The following PDSS2 variants were observed in gnomAD, a reference collection of about 807,000 sequenced individuals.
The protein encoded by PDSS2 is decaprenyl diphosphate synthase subunit 2, also known as all trans-polyprenyl-diphosphate synthase PDSS2.
A neutral mutation model predicts 44.5 loss-of-function variants in PDSS2; 31 were observed. The observed-to-expected ratio is 0.70, with a 90% CI of 0.52 to 0.94. The LOEUF is 0.94. Among genes scored for constraint, PDSS2 ranks in the 40% least tolerant of loss-of-function variants. The pLI is 0.00. For missense variants in PDSS2, 452 were observed against 482.2 expected (o/e 0.94, Z 0.59); for synonymous variants, 157 against 180.3 (o/e 0.87, Z 1.03).
intron 4 of PDSS2, among the ~76,000 whole-genome samples, chr6:107,228,846 G>A (rs1338451356): frequency 6.6e-6 from 1 of 152,134 alleles, no homozygotes; most frequent in Non-Finnish European, 1.5e-5. Context: ...AAAAAAGGAT[G>A]CCAGTAAAAT....
chr6:107,319,174 C>T (rs1582936489), intron 2 of PDSS2, among the ~76,000 whole-genome samples: 1 of 152,068 alleles, frequency 6.6e-6, no homozygotes, highest in Admixed American at 6.5e-5. Context: ...AAAAATTAAA[C>T]ATGTTTTTTG....
intron 1 of PDSS2, among the ~76,000 whole-genome samples, chr6:107,455,482 G>A (rs962526340): frequency 2.6e-5 from 4 of 151,882 alleles, no homozygotes; most frequent in Non-Finnish European, 5.9e-5. Flanking sequence ...TGGGCCAGGC[G>A]CAGTGGCTCA....
chr6:107,189,339 T>G (rs1354036163), intron 7 of PDSS2, among the ~76,000 whole-genome samples: 3 of 151,870 alleles, frequency 2.0e-5, no homozygotes, highest in Non-Finnish European at 4.4e-5. Context: ...CATATATTTT[T>G]TTTCTTTTTA....
chr6:107,396,149 C>A (rs191716762), intron 1 of PDSS2, among the ~76,000 whole-genome samples: 321 of 152,272 alleles, frequency 2.1e-3, no homozygotes, highest in Admixed American at 3.9e-3. Flanking sequence ...GTTGTTTTTG[C>A]ACACTCCATG....
Position 107,164,384 on chromosome 6 carries a change from T to C in PDSS2, c.1042-9607A>G, listed in dbSNP as rs554273811. On this transcript the variant is annotated intron_variant, in intron 7 of 7. Transcript: ENST00000369037. Reference sequence around the variant, plus strand: ...TCCTGTGTCCAGGTGTTCTCATTGTTCAATTACCACCTACCAGTGAGAACA... The same window carrying C: ...TCCTGTGTCCAGGTGTTCTCATTGTCCAATTACCACCTACCAGTGAGAACA... 3.5e-4 allele frequency among the ~76,000 whole-genome samples: 53 copies of C among 152,288 alleles called. 1 individual carries two copies. The highest frequency in any genetic ancestry group is 1.2e-3 in the African/African-American group (48 of 41,556).
intron 1 of PDSS2, among the ~76,000 whole-genome samples, chr6:107,457,539 T>A (rs568246729): frequency 6.6e-6 from 1 of 152,238 alleles, no homozygotes; most frequent in Non-Finnish European, 1.5e-5. Flanking sequence ...ATCCCTGGCC[T>A]CTATCCACTA....
chr6:107,327,561 A>G (rs1000443433), intron 2 of PDSS2, among the ~76,000 whole-genome samples: 1 of 152,208 alleles, frequency 6.6e-6, no homozygotes, highest in African/African-American at 2.4e-5. Flanking sequence ...AGGTTCAAGC[A>G]ATTCTCTGCC....
intron 1 of PDSS2, among the ~76,000 whole-genome samples, chr6:107,401,597 T>C (rs1174483270): frequency 6.6e-6 from 1 of 151,978 alleles, no homozygotes; most frequent in East Asian, 1.9e-4. Flanking sequence ...AAATGCCAGG[T>C]AAAAAATTAA....
chr6:107,430,499 C>A (rs946864978), intron 1 of PDSS2, among the ~76,000 whole-genome samples: 2 of 148,388 alleles, frequency 1.3e-5, no homozygotes, highest in Non-Finnish European at 3.0e-5. Context: ...GATTCTATCT[C>A]AAAAAAAATA....
At chr6:107,378,560 T>G (rs1206631673) in intron 1 of PDSS2, among the ~76,000 whole-genome samples, 1 of 151,910 alleles carries the variant, frequency 6.6e-6, no homozygotes, top group Non-Finnish European at 1.5e-5. Flanking sequence ...CCAAGGTGGG[T>G]GGATCACCTG....
At chr6:107,235,391 G>C (rs1447239455) in intron 4 of PDSS2, among the ~76,000 whole-genome samples, 1 of 152,188 alleles carries the variant, frequency 6.6e-6, no homozygotes, top group African/African-American at 2.4e-5. Flanking sequence ...AATAATTCCT[G>C]TTCCACAAGT....
At position 107,334,286 on chromosome 6, in the gene PDSS2, C is replaced by T; in HGVS notation, c.343G>A (p.Val115Met). 6 of 1,613,522 alleles carry T rather than the reference C, an allele frequency of 3.7e-6. No individual in the cohort carries two copies. The highest frequency in any genetic ancestry group is 4.2e-6 in the Non-Finnish European group (5 of 1,179,594). Reference sequence around the variant, plus strand: ...GCTGCTTTAGAGATAAGGAGCACCACCAAGCCCCTCAACTGGAGGCTATTC... The same window carrying T: ...GCTGCTTTAGAGATAAGGAGCACCATCAAGCCCCTCAACTGGAGGCTATTC... Reference protein sequence around the residue: ...SWNSLQLRGLVVLLISKAAGP... With the variant: ...SWNSLQLRGLMVLLISKAAGP... Residue 115 changes from valine (V) to methionine (M), a missense_variant, in exon 2 of 8, where the codon GTG (valine) becomes ATG (methionine). Transcript: ENST00000369037.
At chr6:107,404,324 T>G (rs1780238878) in intron 1 of PDSS2, among the ~76,000 whole-genome samples, 1 of 152,216 alleles carries the variant, frequency 6.6e-6, no homozygotes, top group South Asian at 2.1e-4. Context: ...ACTTCCTGTC[T>G]TCTTCTGGGC....
chr6:107,163,840 T>A (rs1771237026), intron 7 of PDSS2, among the ~76,000 whole-genome samples: 1 of 152,140 alleles, frequency 6.6e-6, no homozygotes, highest in African/African-American at 2.4e-5. Flanking sequence ...TGACCTCAGG[T>A]GATCCGTCCA....
chr6:107,293,437 G>A (rs917523458), intron 2 of PDSS2, among the ~76,000 whole-genome samples: 2 of 152,128 alleles, frequency 1.3e-5, no homozygotes, highest in Non-Finnish European at 2.9e-5. Flanking sequence ...CAAAATATCT[G>A]TCCCCCTCCC....
chr6:107,229,196 T>C (rs1773946636), intron 4 of PDSS2, among the ~76,000 whole-genome samples: 1 of 152,176 alleles, frequency 6.6e-6, no homozygotes, highest in Non-Finnish European at 1.5e-5. Context: ...TGTTTGTTTT[T>C]AGTTTTTTGA....
rs139519390 is a variant in PDSS2 at position 107,291,348 on chromosome 6, AT to A, written c.432-17122del. 3.3e-3 allele frequency among the ~76,000 whole-genome samples: 440 copies of A among 132,366 alleles called. 3 individuals carry two copies. Among genetic ancestry groups the A allele is most frequent in the African/African-American group, 6.3e-3 (226 of 35,770 alleles). 86.8% of individuals were successfully genotyped at this position (132,366 alleles called of 152,430 possible). Reference sequence around the variant, plus strand: ...ATGAGAATTCTGATTTTATTTTATAATTTTTTTTTTTTTTTTTGAGACAGGG... The same window carrying A: ...ATGAGAATTCTGATTTTATTTTATAATTTTTTTTTTTTTTTTGAGACAGGG... On this transcript the variant is annotated intron_variant, in intron 2 of 7. Transcript: ENST00000369037.
At chr6:107,272,405 G>A (rs564329099) in intron 3 of PDSS2, among the ~76,000 whole-genome samples, 71 of 151,982 alleles carry the variant, frequency 4.7e-4, no homozygotes, top group African/African-American at 1.7e-3. Flanking sequence ...GTCCTTCCTC[G>A]TTCTATTGAC....
In PDSS2 at chr6:107,353,628, CAA is replaced by C. The variant is rs544815508; in HGVS notation, c.297-19298_297-19297del. Among the ~76,000 whole-genome samples, 379 of 152,058 alleles carry C rather than the reference CAA, an allele frequency of 2.5e-3. 1 individual carries two copies. The highest frequency in any genetic ancestry group is 8.7e-3 in the African/African-American group (359 of 41,484). On this transcript the variant is annotated intron_variant, in intron 1 of 7. Coordinates refer to ENST00000369037, the MANE Select transcript of PDSS2 (RefSeq NM_020381.4). ...TCAATAAAAAGTTTTTCTGAAGAAG[CAA>C]AGTCTTTACTTACAAAAAGATAGGT...
Sources: gnomAD v4.1 joint callset for allele counts (sites outside exome capture counted in the v4.1 genomes callset) on GRCh38, gnomAD v4.1.1 for gene constraint, MANE v1.5 for transcripts, NCBI Gene and HGNC (gene_info 2026-07-23, HGNC 2026-07-21) for gene names.